The following TMEM232 variants were observed in gnomAD, a reference collection of about 807,000 sequenced individuals.
TMEM232 encodes the protein transmembrane protein 232.
A neutral mutation model predicts 78.8 loss-of-function variants in TMEM232; 80 were observed. The observed-to-expected ratio is 1.01, with a 90% CI of 0.85 to 1.22. The LOEUF is 1.22. Ranked by LOEUF, TMEM232 falls within the 50% of genes most tolerant of loss-of-function variation. The probability of loss-of-function intolerance (pLI) is 0.00; values close to 1 mark genes in which losing one functional copy is unlikely to be tolerated. For synonymous variants in TMEM232, 297 were observed against 254.3 expected, an observed-to-expected ratio of 1.17 and a Z score of -1.60; for missense variants, 881 against 742.2, an observed-to-expected ratio of 1.19 and a Z score of -2.17.
intron 12 of TMEM232, among the ~76,000 whole-genome samples, chr5:110,490,489 T>C (rs1764968424): frequency 6.6e-6 from 1 of 152,142 alleles, no homozygotes; most frequent in African/African-American, 2.4e-5. Context: ...AAGCCTTCCA[T>C]TTTGGAGAAA....
chr5:110,728,673 G>A (rs1798382396), upstream of TMEM232, among the ~76,000 whole-genome samples: 1 of 150,510 alleles, frequency 6.6e-6, no homozygotes, highest in Non-Finnish European at 1.5e-5. Context: ...TTGAAGTTTT[G>A]ACAAGACAAA....
At chr5:110,650,045 G>C (rs1788079594) in intron 2 of TMEM232, among the ~76,000 whole-genome samples, 1 of 151,974 alleles carries the variant, frequency 6.6e-6, no homozygotes, top group African/African-American at 2.4e-5. Flanking sequence ...GGAGTGCCTG[G>C]TACATGCTAA....
At chr5:110,534,281 G>C (rs1194860542) in intron 11 of TMEM232, among the ~76,000 whole-genome samples, 2 of 152,044 alleles carry the variant, frequency 1.3e-5, no homozygotes, top group Non-Finnish European at 2.9e-5. Context: ...ATTTTTTCAG[G>C]CTTAGTATTC....
intron 12 of TMEM232, among the ~76,000 whole-genome samples, chr5:110,456,269 C>A (rs1271822513): frequency 6.6e-6 from 1 of 151,894 alleles, no homozygotes; most frequent in African/African-American, 2.4e-5. Flanking sequence ...TATACACTAG[C>A]ATTTAATAAT....
In TMEM232 at chr5:110,480,467, T is replaced by A. The variant is rs147576162; in HGVS notation, c.1703+48121A>T. 3.1e-3 allele frequency among the ~76,000 whole-genome samples: 477 copies of A among 152,162 alleles called. 2 individuals are homozygous for A. Among genetic ancestry groups the A allele is most frequent in the African/African-American group, 0.011 (461 of 41,586 alleles). On this transcript the variant is annotated intron_variant, in intron 12 of 13. Coordinates refer to ENST00000455884, the MANE Select transcript of TMEM232 (RefSeq NM_001039763.4). ...AGAGTTCATATTAAGTTATTGACCA[T>A]ACCTGAGTAAAAGATTTAGATTTTG... is the stretch of plus-strand genomic sequence containing the variant.
chr5:110,732,793 T>C (rs1326421139), intron 2 of TMEM232, among the ~76,000 whole-genome samples: 1 of 152,144 alleles, frequency 6.6e-6, no homozygotes, highest in Non-Finnish European at 1.5e-5. Context: ...TAAATGCTAC[T>C]GGGAATAAAT....
At chr5:110,699,634 A>G (rs556314533) in intron 1 of TMEM232, among the ~76,000 whole-genome samples, 13 of 152,130 alleles carry the variant, frequency 8.5e-5, no homozygotes, top group African/African-American at 2.6e-4. Flanking sequence ...GTGAACCACA[A>G]TATCTTGGAA....
At chr5:110,696,311 T>C (rs961412285) in intron 1 of TMEM232, among the ~76,000 whole-genome samples, 1 of 152,116 alleles carries the variant, frequency 6.6e-6, no homozygotes, top group Non-Finnish European at 1.5e-5. Flanking sequence ...CTCAAAATAA[T>C]AAGAGCTATC....
intron 12 of TMEM232, among the ~76,000 whole-genome samples, chr5:110,462,176 C>G (rs945442155): frequency 6.6e-6 from 1 of 152,198 alleles, no homozygotes; most frequent in Non-Finnish European, 1.5e-5. Context: ...TCATTAAGAA[C>G]ATTCATGATT....
intron 2 of TMEM232, among the ~76,000 whole-genome samples, chr5:110,648,549 T>G (rs1330867593): frequency 6.6e-6 from 1 of 152,064 alleles, no homozygotes; most frequent in Non-Finnish European, 1.5e-5. Context: ...GAATAAAGGG[T>G]GAAGCAAAAT....
chr5:110,537,205 C>T (rs1772482598), intron 11 of TMEM232, among the ~76,000 whole-genome samples: 2 of 152,150 alleles, frequency 1.3e-5, no homozygotes, highest in South Asian at 2.1e-4. Flanking sequence ...CCATCTATTC[C>T]ACCTGATTCC....
chr5:110,638,357 T>C lies in TMEM232; in HGVS notation c.344-2A>G. ...ATGCATAAAGCATATTTAAAGATTCTGAAATATTAAAAATATAGAAACTGC... is the reference window on the plus strand; with the variant it reads ...ATGCATAAAGCATATTTAAAGATTCCGAAATATTAAAAATATAGAAACTGC... On this transcript the variant is annotated splice_acceptor_variant, in intron 4 of 13. Transcript: ENST00000455884. LOFTEE classifies it high-confidence loss of function. 6.5e-7 allele frequency: 1 copy of C among 1,526,796 alleles called. No individual in the cohort carries two copies. Among genetic ancestry groups the C allele is most frequent in the East Asian group, 2.5e-5 (1 of 40,694 alleles). The allele number at this position is 1,526,796 out of a possible 1,614,324, so 94.6% of individuals were successfully genotyped here. A position where few individuals can be genotyped will look rare whatever the true frequency, so the allele number is the denominator to read the frequency against.
rs1313141187 is a variant in TMEM232, at chr5:110,529,963, CATTGAGT to C, written c.1456-1135_1456-1129del. The stretch of plus-strand genomic sequence containing the variant: ...CTTTTATCATTTGTTTTTACATTTT[CATTGAGT>C]ATTATCTGTCTTCAGGCAGCTCATT... On this transcript the variant is annotated intron_variant, in intron 11 of 13. Transcript: ENST00000455884. Among the ~76,000 whole-genome samples, 8 of 152,192 alleles carry C rather than the reference CATTGAGT, an allele frequency of 5.3e-5. No individual in the cohort carries two copies. The East Asian group carries it at 1.2e-3, about 22-fold the overall frequency.
chr5:110,535,320 C>T (rs1353161683), intron 11 of TMEM232, among the ~76,000 whole-genome samples: 1 of 152,034 alleles, frequency 6.6e-6, no homozygotes, highest in African/African-American at 2.4e-5. Context: ...CTACTGAGCA[C>T]CTTGTGACCC....
chr5:110,534,217 C>T (rs943067432), intron 11 of TMEM232, among the ~76,000 whole-genome samples: 1 of 152,184 alleles, frequency 6.6e-6, no homozygotes, highest in African/African-American at 2.4e-5. Context: ...TTGGCCTTCT[C>T]ACCTCTATAC....
chr5:110,407,341 T>C (rs1168370617), intron 2 of TMEM232, among the ~76,000 whole-genome samples: 1 of 152,074 alleles, frequency 6.6e-6, no homozygotes. Flanking sequence ...GAAAAAGATA[T>C]TCCCTGCAAA....
chr5:110,564,911 C>T (rs1444729413), intron 11 of TMEM232, among the ~76,000 whole-genome samples: 1 of 151,864 alleles, frequency 6.6e-6, no homozygotes, highest in Non-Finnish European at 1.5e-5. Context: ...AGGTCTACTC[C>T]ATCAATGTTG....
intron 7 of TMEM232, among the ~76,000 whole-genome samples, chr5:110,620,709 C>G (rs757825550): frequency 1.4e-5 from 2 of 145,960 alleles, no homozygotes; most frequent in Non-Finnish European, 3.0e-5. Context: ...AGTAATAAAC[C>G]CAATATGTCT....
At position 110,433,248 on chromosome 5, in the gene TMEM232, T is replaced by C. The variant is rs115189076; in HGVS notation, c.1704-8332A>G. On this transcript the variant is annotated intron_variant, in intron 12 of 13. Transcript: ENST00000455884. ...TGCTCAATCATAAAGCAAGTCTCAA[T>C]AGATTTTAAGCAAAATTATATCAAG... Among the ~76,000 whole-genome samples, 1,266 of 151,858 alleles carry C rather than the reference T, an allele frequency of 8.3e-3. 19 individuals carry two copies. Among genetic ancestry groups the C allele is most frequent in the African/African-American group, 0.029 (1,199 of 41,498 alleles).
Sources: gnomAD v4.1 joint callset for allele counts (sites outside exome capture counted in the v4.1 genomes callset) on GRCh38, gnomAD v4.1.1 for gene constraint, MANE v1.5 for transcripts, NCBI Gene and HGNC (gene_info 2026-07-23, HGNC 2026-07-21) for gene names.